Variants in GSG1L observed in about 807,000 individuals in gnomAD.
The protein encoded by GSG1L is GSG1 like, also known as germ cell-specific gene 1-like protein.
In GSG1L, 24 loss-of-function variants were observed where a neutral mutation model predicts 42.1. That is an observed-to-expected ratio of 0.57 (90% confidence interval 0.41 to 0.80). The LOEUF (loss-of-function observed/expected upper bound fraction) is 0.80. GSG1L is among the 30% of genes least tolerant of loss of function. The pLI is 0.00. For synonymous variants in GSG1L, 215 were observed against 203.5 expected (o/e 1.06, Z -0.48); for missense variants, 445 against 472.2 (o/e 0.94, Z 0.53).
intron 1 of GSG1L, among the ~76,000 whole-genome samples, chr16:28,027,125 G>A (rs1002978113): frequency 2.6e-5 from 4 of 152,084 alleles, no homozygotes; most frequent in Admixed American, 1.3e-4. Context: ...TATAAACAAA[G>A]AATACCATCT....
chr16:28,034,015 G>C (rs1312545016), intron 1 of GSG1L, among the ~76,000 whole-genome samples: 3 of 152,082 alleles, frequency 2.0e-5, no homozygotes, highest in African/African-American at 7.2e-5. Flanking sequence ...CCAGACTGAG[G>C]CTCACAGGGT....
At chr16:27,911,266 G>GCTCGCTCGCTCTCTCTCTCT (rs568864667) in intron 2 of GSG1L, among the ~76,000 whole-genome samples, 2 of 122,058 alleles carry the variant, frequency 1.6e-5, no homozygotes, top group African/African-American at 7.0e-5. Flanking sequence ...CCTCTCTCTC[G>GCTCGCTCGCTCTCTCTCTCT]CTCTCTCTCT....
chr16:27,936,534 A>T (rs2084720130), intron 2 of GSG1L, among the ~76,000 whole-genome samples: 1 of 152,196 alleles, frequency 6.6e-6, no homozygotes, highest in Non-Finnish European at 1.5e-5. Flanking sequence ...GAGTGGAAGC[A>T]GCCTGAGGCC....
chr16:27,858,912 G>T (rs1335725204), intron 3 of GSG1L, among the ~76,000 whole-genome samples: 1 of 152,240 alleles, frequency 6.6e-6, no homozygotes, highest in African/African-American at 2.4e-5. Flanking sequence ...GTCAGGGTAG[G>T]CCTCCCTGAG....
At chr16:27,850,389 G>A (rs1373396830) in intron 3 of GSG1L, 5 of 395,476 alleles carry the variant, frequency 1.3e-5, no homozygotes, top group South Asian at 3.7e-5. Context: ...CCAGTTCTGC[G>A]ATTCAAGGAG....
chr16:28,043,073 G>C (rs2086125481), intron 1 of GSG1L, among the ~76,000 whole-genome samples: 1 of 152,202 alleles, frequency 6.6e-6, no homozygotes, highest in South Asian at 2.1e-4. Flanking sequence ...CCAAAGACGA[G>C]GTATTTTGAT....
At chr16:27,794,034 A>G (rs2082789205) in intron 6 of GSG1L, among the ~76,000 whole-genome samples, 1 of 147,336 alleles carries the variant, frequency 6.8e-6, no homozygotes, top group Admixed American at 6.8e-5. Context: ...TGTTTGTTTG[A>G]GATGGGGTCT....
intron 1 of GSG1L, among the ~76,000 whole-genome samples, chr16:28,061,320 T>C (rs2086337477): frequency 6.6e-6 from 1 of 152,218 alleles, no homozygotes; most frequent in African/African-American, 2.4e-5. Flanking sequence ...TTAATAATTT[T>C]AATTGCATCC....
chr16:27,945,076 C>CAAAAAA (rs34265192), intron 2 of GSG1L, among the ~76,000 whole-genome samples: 2 of 87,326 alleles, frequency 2.3e-5, no homozygotes, highest in African/African-American at 4.4e-5. Context: ...GACCCTGTCT[C>CAAAAAA]AAAAAAAAAA....
chr16:27,874,293 G>C (rs995450143), intron 3 of GSG1L, among the ~76,000 whole-genome samples: 12 of 151,986 alleles, frequency 7.9e-5, no homozygotes, highest in Non-Finnish European at 1.5e-4. Flanking sequence ...CAATTAGAGG[G>C]CTGGGGCTTT....
At position 28,025,114 on chromosome 16, in the gene GSG1L, G is replaced by A. The variant is rs558540097; in HGVS notation, c.349+37962C>T. ...CTGAAAGCCAACCTTGCAGGACTGG[G>A]AGGGATGCATCATGGCTCAGCAGTA... On this transcript the variant is annotated intron_variant, in intron 1 of 6. Transcript: ENST00000447459. 2.0e-5 allele frequency among the ~76,000 whole-genome samples: 3 copies of A among 152,318 alleles called. No individual in the cohort carries two copies. The East Asian group carries it at 5.8e-4, about 29-fold the overall frequency.
chr16:27,790,080 TGGATGGATGGAA>T lies in GSG1L; in HGVS notation c.*1278_*1289del, dbSNP rs1444778282. 2.7e-5 allele frequency: 4 copies of T among 150,470 alleles called. No individual in the cohort carries two copies. The highest frequency in any genetic ancestry group is 5.9e-5 in the Non-Finnish European group (4 of 67,644). The allele number at this position is 150,470 out of a possible 1,614,324, so 9.3% of individuals were successfully genotyped here. On this transcript the variant is annotated 3_prime_UTR_variant, in exon 7 of 7. Transcript: ENST00000447459. ...AATGGATGGATGAATGGATAGATGATGGATGGATGGAAGGATGGATGAATGAATGAATGATGG... is the reference window on the plus strand; with the variant it reads ...AATGGATGGATGAATGGATAGATGATGGATGGATGAATGAATGAATGATGG...
At chr16:28,015,013 A>G (rs1412367002) in intron 1 of GSG1L, among the ~76,000 whole-genome samples, 1 of 152,214 alleles carries the variant, frequency 6.6e-6, no homozygotes, top group Admixed American at 6.5e-5. Flanking sequence ...TTGCAGTCCC[A>G]TGTGGCTGGG....
At chr16:27,966,366 G>A (rs1393190771) in intron 1 of GSG1L, among the ~76,000 whole-genome samples, 1 of 152,154 alleles carries the variant, frequency 6.6e-6, no homozygotes, top group Non-Finnish European at 1.5e-5. Context: ...TTAGCCAGCT[G>A]TGGTGGCACG....
chr16:27,912,087 G>C (rs879931336), intron 2 of GSG1L, among the ~76,000 whole-genome samples: 3 of 152,146 alleles, frequency 2.0e-5, no homozygotes, highest in Non-Finnish European at 2.9e-5. Flanking sequence ...CTTTGTGGTG[G>C]TCAGGCTGGG....
intron 1 of GSG1L, among the ~76,000 whole-genome samples, chr16:27,978,687 T>C (rs1050434104): frequency 1.1e-5 from 1 of 92,404 alleles, no homozygotes; most frequent in African/African-American, 4.1e-5. Context: ...CAAGACTCCA[T>C]CTCAAAAAAA....
chr16:27,853,894 G>T (rs2083543625), intron 3 of GSG1L, among the ~76,000 whole-genome samples: 1 of 152,062 alleles, frequency 6.6e-6, no homozygotes, highest in African/African-American at 2.4e-5. Flanking sequence ...CTGGTGGGAC[G>T]ATATCTGACA....
intron 1 of GSG1L, among the ~76,000 whole-genome samples, chr16:28,000,425 A>G (rs1596688305): frequency 1.3e-5 from 2 of 152,222 alleles, no homozygotes; most frequent in Non-Finnish European, 2.9e-5. Context: ...TTTCCTCTGG[A>G]CGATCCCCCA....
chr16:28,041,984 A>G (rs2086111632), intron 1 of GSG1L, among the ~76,000 whole-genome samples: 1 of 152,228 alleles, frequency 6.6e-6, no homozygotes. Flanking sequence ...ACGTGGAGAA[A>G]CGTGGGAATA....
Sources: gnomAD v4.1 joint callset for allele counts (sites outside exome capture counted in the v4.1 genomes callset) on GRCh38, gnomAD v4.1.1 for gene constraint, MANE v1.5 for transcripts, NCBI Gene and HGNC (gene_info 2026-07-23, HGNC 2026-07-21) for gene names.